FAM228B: variants seen among roughly 807,000 people sequenced by gnomAD.
FAM228B encodes family with sequence similarity 228 member B.
In FAM228B, 38 loss-of-function variants were observed where a neutral mutation model predicts 42.6. That is an observed-to-expected ratio of 0.89 (90% CI 0.69 to 1.17). FAM228B has a LOEUF of 1.17. Ranked by LOEUF, FAM228B falls within the 50% of genes most tolerant of loss-of-function variation. The probability of loss-of-function intolerance (pLI) is 0.00; values close to 1 mark genes in which losing one functional copy is unlikely to be tolerated. For synonymous variants in FAM228B, 109 were observed against 122.3 expected (o/e 0.89, Z 0.72); for missense variants, 344 against 367.3 (o/e 0.94, Z 0.52).
intron 7 of FAM228B, among the ~76,000 whole-genome samples, chr2:24,159,184 A>AT (rs753949592): frequency 8.0e-4 from 122 of 152,352 alleles, no homozygotes; most frequent in Non-Finnish European, 1.4e-3. Flanking sequence ...CAAAGACCCT[A>AT]TTTCCAAATA....
In FAM228B at chr2:24,116,870, G is replaced by C. The variant is rs1437778249; in HGVS notation, c.-120-18249G>C. Among the ~76,000 whole-genome samples, 12 of 147,024 alleles carry C rather than the reference G, an allele frequency of 8.2e-5. No individual in the cohort carries two copies. In the South Asian group the frequency reaches 2.6e-3, roughly 32 times the overall value. On this transcript the variant is annotated intron_variant, in intron 3 of 10. Transcript: ENST00000613899. ...TTAGCCTGGCTGATAGAATGAAACTGTGTCTCAAAAAAAAAAAAGAAAAAG... is the reference window on the plus strand; with the variant it reads ...TTAGCCTGGCTGATAGAATGAAACTCTGTCTCAAAAAAAAAAAAGAAAAAG...
intron 3 of FAM228B, among the ~76,000 whole-genome samples, chr2:24,117,005 C>A (rs1665939067): frequency 6.7e-6 from 1 of 149,052 alleles, no homozygotes; most frequent in Non-Finnish European, 1.5e-5. Context: ...ATTTTAAAAA[C>A]AATCCTGCAT....
chr2:24,165,649 GCA>G (rs1363196868), intron 9 of FAM228B: 1 of 339,812 alleles, frequency 2.9e-6, no homozygotes. Flanking sequence ...CCATGGAAGA[GCA>G]CAATTTTATA....
chr2:24,130,403 G>A (rs961478740), intron 2 of FAM228B, among the ~76,000 whole-genome samples: 5 of 152,148 alleles, frequency 3.3e-5, no homozygotes, highest in African/African-American at 9.7e-5. Flanking sequence ...TTCCACAATG[G>A]TTGAACTAAT....
At chr2:24,097,805 T>C (rs910208199) in intron 3 of FAM228B, among the ~76,000 whole-genome samples, 7 of 152,154 alleles carry the variant, frequency 4.6e-5, no homozygotes, top group Non-Finnish European at 1.0e-4. Flanking sequence ...TACATAACTC[T>C]CCACCCCAAA....
chr2:24,100,077 T>C (rs539753899), intron 3 of FAM228B, among the ~76,000 whole-genome samples: 1 of 151,758 alleles, frequency 6.6e-6, no homozygotes, highest in South Asian at 2.1e-4. Context: ...TGTAGAAAGC[T>C]GAGACTGGAT....
At chr2:24,151,818 G>T (rs1436643534) in intron 7 of FAM228B, among the ~76,000 whole-genome samples, 2 of 151,758 alleles carry the variant, frequency 1.3e-5, no homozygotes, top group African/African-American at 4.8e-5. Context: ...GACTTAGCTG[G>T]TATTGCAGGC....
chr2:24,103,598 A>G (rs1665648631), intron 3 of FAM228B, among the ~76,000 whole-genome samples: 1 of 152,234 alleles, frequency 6.6e-6, no homozygotes, highest in Non-Finnish European at 1.5e-5. Flanking sequence ...AGGAGGCTCC[A>G]GACAGTTATT....
In FAM228B at chr2:24,079,002, A is replaced by G. The variant is rs556301617; in HGVS notation, c.-289-1874A>G. 9.8e-5 allele frequency: 16 copies of G among 164,098 alleles called. No homozygotes were observed. In the East Asian group the frequency reaches 2.6e-3, roughly 27 times the overall value. The allele number at this position is 164,098 out of a possible 1,614,324, so 10.2% of individuals were successfully genotyped here. On this transcript the variant is annotated intron_variant, in intron 1 of 10. Transcript: ENST00000613899. ...CTGGACTCAAGCAATCCTCTGCCTC[A>G]GCCTTCCAAGTAGCTGGGACTACAA...
rs1667287835 is a variant in FAM228B at position 24,161,620 on chromosome 2, C to T, written c.794+7C>T. 1 of 1,451,474 alleles carries T rather than the reference C, an allele frequency of 6.9e-7. No homozygotes were observed. Among genetic ancestry groups the T allele is most frequent in the African/African-American group, 1.4e-5 (1 of 71,398 alleles). The allele number at this position is 1,451,474 out of a possible 1,614,324, so 89.9% of individuals were successfully genotyped here. ...AAAAAACAGTTATTTACAAGTAAGT[C>T]TGTTCTTCCATAGCTTTGCTCTTCT... On this transcript the variant is annotated splice_region_variant and intron_variant, in intron 8 of 10. Transcript: ENST00000615575.
chr2:24,080,063 A>G lies in FAM228B; in HGVS notation c.-289-813A>G, dbSNP rs1664931980. On this transcript the variant is annotated intron_variant, in intron 1 of 10. Coordinates refer to the FAM228B transcript ENST00000613899. This position sits in a 1 kb window ranked among gnomAD's most constrained non-coding sequence, Gnocchi z 4.7. ...GTTTCATCTCTCCTTTTCTACTCAC[A>G]TAAAAAATGGAGGCCAGGCATGGTG... 6.6e-6 allele frequency among the ~76,000 whole-genome samples: 1 copy of G among 152,152 alleles called. No homozygotes were observed. Among genetic ancestry groups the G allele is most frequent in the Admixed American group, 6.5e-5 (1 of 15,278 alleles).
At chr2:24,136,764 G>A (rs1007391256) in intron 3 of FAM228B, among the ~76,000 whole-genome samples, 2 of 152,200 alleles carry the variant, frequency 1.3e-5, no homozygotes, top group Non-Finnish European at 2.9e-5. Context: ...CGATATAAAA[G>A]TAAATATACA....
At chr2:24,101,736 G>C (rs1029493978) in intron 3 of FAM228B, among the ~76,000 whole-genome samples, 1 of 152,066 alleles carries the variant, frequency 6.6e-6, no homozygotes, top group Admixed American at 6.6e-5. Flanking sequence ...ACGATGGAGT[G>C]CACTGGCGCG....
At chr2:24,121,680 C>G (rs1381931809), upstream of FAM228B, among the ~76,000 whole-genome samples, 1 of 152,064 alleles carries the variant, frequency 6.6e-6, no homozygotes, top group African/African-American at 2.4e-5. Flanking sequence ...GTATTTGGAT[C>G]ATGAATAGAC....
chr2:24,168,278 G>A (rs748567603), intron 10 of FAM228B, among the ~76,000 whole-genome samples: 31 of 152,166 alleles, frequency 2.0e-4, no homozygotes, highest in South Asian at 4.1e-4. Flanking sequence ...AAGGCCGAGG[G>A]TTAGTCCTGC....
At chr2:24,123,453 C>G (rs1666194135), upstream of FAM228B, 2 of 152,374 alleles carry the variant, frequency 1.3e-5, no homozygotes, top group South Asian at 4.1e-4. Flanking sequence ...CTCCGCCGCC[C>G]CGGCACCGCC....
upstream of FAM228B, chr2:24,119,508 T>G: frequency 8.7e-7 from 1 of 1,143,134 alleles, no homozygotes; most frequent in Admixed American, 2.0e-5. Context: ...GAGTTGGATC[T>G]CTGTTACTCG....
chr2:24,165,769 C>T (rs1403897571), intron 9 of FAM228B: 5 of 268,612 alleles, frequency 1.9e-5, no homozygotes, highest in Middle Eastern at 1.4e-3. Context: ...GGGCCATGTG[C>T]GGTGGCTCAT....
intron 7 of FAM228B, among the ~76,000 whole-genome samples, chr2:24,154,789 T>A (rs116212599): frequency 6.6e-6 from 1 of 152,360 alleles, no homozygotes; most frequent in Non-Finnish European, 1.5e-5. Flanking sequence ...TTGTAGATTA[T>A]CTGGCCTTTT....
Sources: gnomAD v4.1 joint callset for allele counts (sites outside exome capture counted in the v4.1 genomes callset) on GRCh38, gnomAD v4.1.1 for gene constraint, Gnocchi (gnomAD v3.1) non-coding constraint, MANE v1.5 for transcripts, NCBI Gene and HGNC (gene_info 2026-07-23, HGNC 2026-07-21) for gene names.